The following STK31 variants were observed in gnomAD, a reference collection of about 807,000 sequenced individuals.
STK31 encodes the protein serine/threonine-protein kinase 31.
Under a neutral mutation model 129.7 loss-of-function variants are expected in STK31, and 89 were observed. That is an observed-to-expected ratio of 0.69 (90% confidence interval 0.58 to 0.82). The LOEUF (loss-of-function observed/expected upper bound fraction) is 0.82. Among genes scored for constraint, STK31 ranks in the 40% least tolerant of loss-of-function variants. The pLI is 0.00. For missense variants in STK31, 1,187 were observed against 1,176.4 expected (o/e 1.01, Z -0.13); for synonymous variants, 448 against 395.3 (o/e 1.13, Z -1.58).
intron 22 of STK31, chr7:23,791,414 C>T (rs770559242): frequency 1.6e-4 from 78 of 496,006 alleles, no homozygotes; most frequent in Non-Finnish European, 3.7e-5. Flanking sequence ...TAAGTGGGAG[C>T]TAAACACTGA....
At position 23,786,873 on chromosome 7, in the gene STK31, C is replaced by T; in HGVS notation, c.2436C>T (p.Tyr812=). ...DPMAYLMVPY[Y]PRANLNAVQA... ...TGGCTTATCTGATGGTCCCATACTA[C>T]CCTAGGGCAAACCTGAATGCTGTTC... The change falls in exon 20 of 24, where the codon TAC becomes TAT. Residue 812 remains tyrosine (Y), a synonymous_variant. Coordinates refer to ENST00000355870, the MANE Select transcript of STK31 (RefSeq NM_031414.5). 6.2e-7 allele frequency: 1 copy of T among 1,613,968 alleles called. No homozygotes were observed.
intron 22 of STK31, among the ~76,000 whole-genome samples, chr7:23,803,415 GAATACTAACT>G (rs1176227211): frequency 6.6e-6 from 1 of 152,094 alleles, no homozygotes; most frequent in Non-Finnish European, 1.5e-5. Context: ...CAAAGCTCTA[GAATACTAACT>G]AGATATTTTG....
chr7:23,723,351 T>G (rs1786843124), intron 4 of STK31, among the ~76,000 whole-genome samples: 1 of 152,214 alleles, frequency 6.6e-6, no homozygotes, highest in Non-Finnish European at 1.5e-5. Context: ...AGAGACTATG[T>G]CTATAAAAAT....
At chr7:23,798,968 A>T (rs186967025) in intron 22 of STK31, among the ~76,000 whole-genome samples, 1 of 152,202 alleles carries the variant, frequency 6.6e-6, no homozygotes, top group African/African-American at 2.4e-5. Flanking sequence ...AAAGAGCCAA[A>T]TCATGAGTGA....
intron 10 of STK31, among the ~76,000 whole-genome samples, chr7:23,755,626 GT>G (rs1386975610): frequency 1.3e-5 from 2 of 152,160 alleles, no homozygotes. Flanking sequence ...GGTTTTTATA[GT>G]TTTAGGTTTT....
chr7:23,776,558 G>A (rs1562592970), intron 15 of STK31, among the ~76,000 whole-genome samples: 1 of 152,104 alleles, frequency 6.6e-6, no homozygotes, highest in Non-Finnish European at 1.5e-5. Flanking sequence ...TTTAGTCTTG[G>A]GAGGGTGTAT....
rs1319237794 is a variant in STK31, at chr7:23,805,069, TTC to T, written c.2761-10063_2761-10062del. 4.1e-5 allele frequency among the ~76,000 whole-genome samples: 6 copies of T among 147,148 alleles called. No homozygotes were observed. The South Asian group carries it at 1.3e-3, about 31-fold the overall frequency. On this transcript the variant is annotated intron_variant, in intron 22 of 23. Coordinates refer to ENST00000355870, the MANE Select transcript of STK31 (RefSeq NM_031414.5). ...TTGTGAGTAAAACATTCTTTCTCAT[TTC>T]TCTCTCTCTCTTTTTTTTTTTTGAG...
rs373322331 is a variant in STK31 at position 23,782,313 on chromosome 7, A to G, written c.2067+793A>G. Among the ~76,000 whole-genome samples, 4 of 149,168 alleles carry G rather than the reference A, an allele frequency of 2.7e-5. No homozygotes were observed. The South Asian group carries it at 8.8e-4, about 33-fold the overall frequency. ...ATGGTGAGACCCCATCTCTACAAAA[A>G]ATACAACAATTAGCTGGTCATGGTG... is the stretch of plus-strand genomic sequence containing the variant. On this transcript the variant is annotated intron_variant, in intron 16 of 23. Coordinates refer to ENST00000355870, the MANE Select transcript of STK31 (RefSeq NM_031414.5).
At chr7:23,830,630 T>TGTG (rs1794490270) in intron 23 of STK31, among the ~76,000 whole-genome samples, 1 of 78,468 alleles carries the variant, frequency 1.3e-5, no homozygotes, top group Non-Finnish European at 2.6e-5. Context: ...GTGTGTGTGT[T>TGTG]GTTTTTGAGC....
intron 22 of STK31, among the ~76,000 whole-genome samples, chr7:23,811,999 G>A (rs146829267): frequency 6.6e-6 from 1 of 152,260 alleles, no homozygotes; most frequent in East Asian, 1.9e-4. Flanking sequence ...GAGAAGGATA[G>A]TCTGTGGTAT....
intron 23 of STK31, among the ~76,000 whole-genome samples, chr7:23,819,265 G>C (rs968967967): frequency 2.6e-5 from 4 of 152,052 alleles, no homozygotes; most frequent in Non-Finnish European, 4.4e-5. Context: ...ACAGACATTG[G>C]CATTCATTCA....
chr7:23,830,592 T>TTGTGTGTGTGTGTGTGTGTGTGTG (rs3034048), intron 23 of STK31, among the ~76,000 whole-genome samples: 10 of 142,246 alleles, frequency 7.0e-5, no homozygotes, highest in Admixed American at 1.4e-4. Context: ...AATTTCCATG[T>TTGTGTGTGTGTGTGTGTGTGTGTG]TGTGTGTGTG....
At chr7:23,731,835 T>A (rs1219867957) in intron 6 of STK31, among the ~76,000 whole-genome samples, 1 of 152,192 alleles carries the variant, frequency 6.6e-6, no homozygotes, top group Non-Finnish European at 1.5e-5. Flanking sequence ...TTAGCTTGTT[T>A]TCTAATATAT....
intron 22 of STK31, among the ~76,000 whole-genome samples, chr7:23,806,580 T>C (rs984620561): frequency 2.6e-5 from 4 of 152,116 alleles, no homozygotes; most frequent in Non-Finnish European, 5.9e-5. Context: ...AACTCATTAT[T>C]GTAGAATTGA....
intron 8 of STK31, among the ~76,000 whole-genome samples, chr7:23,738,468 A>G (rs1000936962): frequency 1.3e-5 from 2 of 152,058 alleles, no homozygotes; most frequent in African/African-American, 2.4e-5. Flanking sequence ...GCTCACTGCA[A>G]CTTCTGCCTC....
chr7:23,809,094 C>G (rs1201492733), intron 22 of STK31, among the ~76,000 whole-genome samples: 2 of 151,944 alleles, frequency 1.3e-5, no homozygotes, highest in African/African-American at 4.8e-5. Flanking sequence ...AAGGTCCTAG[C>G]TACTTCACCT....
In STK31 at chr7:23,787,965, T is replaced by C; in HGVS notation, c.2488-15T>C. 2.6e-6 allele frequency: 4 copies of C among 1,510,520 alleles called. No homozygotes were observed. The highest frequency in any genetic ancestry group is 2.2e-5 in the Admixed American group (1 of 44,472). The allele number at this position is 1,510,520 out of a possible 1,614,324, so 93.6% of individuals were successfully genotyped here. A position where few individuals can be genotyped will look rare whatever the true frequency, so the allele number is the denominator to read the frequency against. On this transcript the variant is annotated splice_polypyrimidine_tract_variant and intron_variant, in intron 20 of 23. Transcript: ENST00000355870. ...TGCCTACTTCCTCACTTCTTTTATG[T>C]GTACTTATCTATAGGAAACTTTAAA...
chr7:23,734,740 G>C (rs1003467396), intron 6 of STK31, among the ~76,000 whole-genome samples: 1 of 152,120 alleles, frequency 6.6e-6, no homozygotes, highest in African/African-American at 2.4e-5. Context: ...CGAGGTGGGC[G>C]GATCACTTGA....
chr7:23,777,772 G>A (rs989663195), intron 15 of STK31, among the ~76,000 whole-genome samples: 1 of 151,912 alleles, frequency 6.6e-6, no homozygotes, highest in Non-Finnish European at 1.5e-5. Context: ...ACACCAATGG[G>A]TCTTGACTCT....
Sources: gnomAD v4.1 joint callset for allele counts (sites outside exome capture counted in the v4.1 genomes callset) on GRCh38, gnomAD v4.1.1 for gene constraint, MANE v1.5 for transcripts, NCBI Gene and HGNC (gene_info 2026-07-23, HGNC 2026-07-21) for gene names.